Variants in LGR5 observed in about 807,000 individuals in gnomAD.
The protein encoded by LGR5 is leucine-rich repeat-containing G protein-coupled receptor 5.
A neutral mutation model predicts 76.7 loss-of-function variants in LGR5; 54 were observed. The ratio of observed to expected loss-of-function variants is 0.70; its 90% CI spans 0.57 to 0.88. The LOEUF is 0.88. LGR5 is among the 40% of genes least tolerant of loss of function. The pLI is 0.00. For missense variants in LGR5, 1,078 were observed against 1,073.3 expected, an observed-to-expected ratio of 1.00 and a Z score of -0.06; for synonymous variants, 406 against 421.9, an observed-to-expected ratio of 0.96 and a Z score of 0.46.
At chr12:71,465,172 G>A (rs946705684) in intron 1 of LGR5, among the ~76,000 whole-genome samples, 11 of 152,096 alleles carry the variant, frequency 7.2e-5, no homozygotes, top group African/African-American at 2.4e-4. Flanking sequence ...CCAGCTGCAC[G>A]AATGAGAGAT....
intron 1 of LGR5, among the ~76,000 whole-genome samples, chr12:71,457,147 G>T (rs1471645072): frequency 6.6e-6 from 1 of 152,112 alleles, no homozygotes; most frequent in Non-Finnish European, 1.5e-5. Flanking sequence ...TAGCTAAGGG[G>T]TTACTAGTTC....
At chr12:71,509,198 G>A (rs1483938179) in intron 2 of LGR5, among the ~76,000 whole-genome samples, 1 of 152,128 alleles carries the variant, frequency 6.6e-6, no homozygotes, top group Non-Finnish European at 1.5e-5. Flanking sequence ...ATGCTCACTA[G>A]GCCTCAGAGG....
chr12:71,556,324 T>TAA (rs1041316964), intron 5 of LGR5, among the ~76,000 whole-genome samples: 1 of 144,810 alleles, frequency 6.9e-6, no homozygotes, highest in Non-Finnish European at 1.5e-5. Flanking sequence ...ACTTAAAAAT[T>TAA]AAAAAAAAAA....
At chr12:71,442,426 T>G (rs1422098161) in intron 1 of LGR5, among the ~76,000 whole-genome samples, 1 of 152,214 alleles carries the variant, frequency 6.6e-6, no homozygotes, top group African/African-American at 2.4e-5. Flanking sequence ...ATTATTCTCA[T>G]GTGATGACAG....
intron 2 of LGR5, among the ~76,000 whole-genome samples, chr12:71,514,577 A>AG (rs1392455873): frequency 1.3e-5 from 2 of 151,324 alleles, no homozygotes; most frequent in South Asian, 4.2e-4. Flanking sequence ...CAAAAAAAAA[A>AG]AAAGAAAGAA....
intron 1 of LGR5, among the ~76,000 whole-genome samples, chr12:71,442,476 G>A (rs1871810920): frequency 6.6e-6 from 1 of 152,168 alleles, no homozygotes; most frequent in Non-Finnish European, 1.5e-5. Context: ...CCAGTGCCCT[G>A]TGAAATATTA....
intron 2 of LGR5, among the ~76,000 whole-genome samples, chr12:71,505,426 T>C (rs969676938): frequency 6.6e-6 from 1 of 152,210 alleles, no homozygotes; most frequent in Non-Finnish European, 1.5e-5. Context: ...AAGGAGGTGA[T>C]ACCCCATCAC....
intron 1 of LGR5, among the ~76,000 whole-genome samples, chr12:71,478,402 A>T (rs1056948179): frequency 6.6e-6 from 1 of 152,190 alleles, no homozygotes; most frequent in African/African-American, 2.4e-5. Context: ...ATATTTCTCA[A>T]ATTAATTCAG....
intron 1 of LGR5, among the ~76,000 whole-genome samples, chr12:71,495,902 A>T (rs1361540246): frequency 6.6e-6 from 1 of 152,052 alleles, no homozygotes; most frequent in Non-Finnish European, 1.5e-5. Flanking sequence ...AGTATGTTTT[A>T]CTTCTAATTC....
chr12:71,460,307 G>A (rs1872638078), intron 1 of LGR5, among the ~76,000 whole-genome samples: 2 of 152,050 alleles, frequency 1.3e-5, no homozygotes, highest in South Asian at 4.1e-4. Flanking sequence ...AGGACTCATG[G>A]GAAGACACTA....
intron 2 of LGR5, among the ~76,000 whole-genome samples, chr12:71,518,957 C>T (rs1592508120): frequency 6.6e-6 from 1 of 152,076 alleles, no homozygotes; most frequent in South Asian, 2.1e-4. Flanking sequence ...ATATAACAAA[C>T]CTGCATATGT....
chr12:71,565,433 T>TATCTCATATATAGACATATATACATATAC lies in LGR5; in HGVS notation c.858-969_858-968insCTCATATATAGACATATATACATATACAT, dbSNP rs1878293942. 4.2e-5 allele frequency among the ~76,000 whole-genome samples: 5 copies of TATCTCATATATAGACATATATACATATAC among 120,142 alleles called. 1 individual carries two copies. Among genetic ancestry groups the TATCTCATATATAGACATATATACATATAC allele is most frequent in the African/African-American group, 1.7e-4 (5 of 28,930 alleles). 78.8% of individuals were successfully genotyped at this position (120,142 alleles called of 152,430 possible). ...ATGGATCAATTGAGCTATATATATA[T>TATCTCATATATAGACATATATACATATAC]ATATATATATAGCTCATATATAGAC... On this transcript the variant is annotated intron_variant, in intron 8 of 17. Coordinates refer to ENST00000266674, the MANE Select transcript of LGR5 (RefSeq NM_003667.4).
chr12:71,566,162 C>T (rs1424664270), intron 8 of LGR5, among the ~76,000 whole-genome samples: 1 of 152,152 alleles, frequency 6.6e-6, no homozygotes, highest in Admixed American at 6.6e-5. Flanking sequence ...AACTATCACT[C>T]ATATCTCCCT....
chr12:71,511,573 G>A (rs933738471), intron 2 of LGR5, among the ~76,000 whole-genome samples: 4 of 152,150 alleles, frequency 2.6e-5, no homozygotes, highest in Non-Finnish European at 1.5e-5. Context: ...ATTTCAGCAG[G>A]CCAGGGATTG....
chr12:71,534,521 C>T (rs897694861), intron 3 of LGR5, among the ~76,000 whole-genome samples: 1 of 152,154 alleles, frequency 6.6e-6, no homozygotes, highest in Admixed American at 6.5e-5. Flanking sequence ...TATATAAGAG[C>T]ATGTCATTTT....
chr12:71,525,500 G>T (rs1305375233), intron 3 of LGR5, among the ~76,000 whole-genome samples: 1 of 151,222 alleles, frequency 6.6e-6, no homozygotes, highest in East Asian at 1.9e-4. Context: ...CAGAGTTGTA[G>T]CACCAGCTCC....
At chr12:71,463,762 C>T (rs972133172) in intron 1 of LGR5, among the ~76,000 whole-genome samples, 23 of 152,024 alleles carry the variant, frequency 1.5e-4, no homozygotes, top group African/African-American at 5.3e-4. Context: ...AAACAGCTCT[C>T]TTGCCTTTAT....
chr12:71,468,252 C>T (rs1872940199), intron 1 of LGR5, among the ~76,000 whole-genome samples: 1 of 152,156 alleles, frequency 6.6e-6, no homozygotes, highest in Non-Finnish European at 1.5e-5. Flanking sequence ...CAGTCTGAGT[C>T]TCCTATTTGC....
rs182538679 is a variant in LGR5 at position 71,465,810 on chromosome 12, C to T, written c.212+25518C>T. Among the ~76,000 whole-genome samples, 260 of 152,216 alleles carry T rather than the reference C, an allele frequency of 1.7e-3. 3 individuals carry two copies. The highest frequency in any genetic ancestry group is 6.0e-3 in the African/African-American group (250 of 41,530). On this transcript the variant is annotated intron_variant, in intron 1 of 17. Transcript: ENST00000266674. ...AGAAAATAAGCAGTGTCTGGTAATCCAAAGCACAGAAATTATCAAATGGCC... is the reference window on the plus strand; with the variant it reads ...AGAAAATAAGCAGTGTCTGGTAATCTAAAGCACAGAAATTATCAAATGGCC...
Sources: allele counts gnomAD v4.1 joint callset (sites outside exome capture counted in the v4.1 genomes callset), GRCh38; gene constraint gnomAD v4.1.1; transcripts MANE v1.5; gene names NCBI Gene and HGNC (gene_info 2026-07-23, HGNC 2026-07-21).